Variants in DNPEP observed in about 807,000 individuals in gnomAD.
DNPEP encodes aspartyl aminopeptidase.
A neutral mutation model predicts 59.1 loss-of-function variants in DNPEP; 46 were observed. The observed-to-expected ratio is 0.78, with a 90% CI of 0.61 to 0.99. The LOEUF (loss-of-function observed/expected upper bound fraction) is 0.99. Among genes scored for constraint, DNPEP ranks in the 50% least tolerant of loss-of-function variants. The pLI is 0.00. For synonymous variants in DNPEP, 229 were observed against 242.2 expected (o/e 0.95, Z 0.50); for missense variants, 617 against 649.9 (o/e 0.95, Z 0.55).
At chr2:219,384,259 A>G in intron 9 of DNPEP, 107 bp downstream of exon 9, 1 of 1,070,702 alleles carries the variant, frequency 9.3e-7, no homozygotes, top group Non-Finnish European at 1.4e-6. Flanking sequence ...GCGGGTAGAC[A>G]ATGGCCCTCT....
chr2:219,392,332 A>G (rs181056437), upstream of DNPEP, among the ~76,000 whole-genome samples: 32 of 152,110 alleles, frequency 2.1e-4, no homozygotes, highest in Non-Finnish European at 4.4e-4. Flanking sequence ...GTGAGTTTAT[A>G]AGATACATAT....
chr2:219,385,825 C>A, intron 6 of DNPEP, 119 bp from the exon 7 acceptor site: 2 of 1,436,096 alleles, frequency 1.4e-6, no homozygotes, highest in Non-Finnish European at 9.4e-7. Flanking sequence ...CCAGCCCACT[C>A]CCCAAATCAC....
chr2:219,377,093 G>A (rs1002027579), intron 13 of DNPEP, among the ~76,000 whole-genome samples: 2 of 151,788 alleles, frequency 1.3e-5, no homozygotes, highest in Non-Finnish European at 2.9e-5. Flanking sequence ...GGCCAATATG[G>A]TGAAACCCTG....
rs1474309624 is a variant in DNPEP, at chr2:219,373,185, C to T, written c.*1107G>A. ...CTGGGTTCAAGCGATTCTCCTGCCTCAGCCTCCGGAGTGGCTGAGATTACA... is the reference window on the plus strand; with the variant it reads ...CTGGGTTCAAGCGATTCTCCTGCCTTAGCCTCCGGAGTGGCTGAGATTACA... On this transcript the variant is annotated 3_prime_UTR_variant, in exon 15 of 15. Coordinates refer to ENST00000273075, the MANE Select transcript of DNPEP (RefSeq NM_012100.4). Among the ~76,000 whole-genome samples, 7 of 93,288 alleles carry T rather than the reference C, an allele frequency of 7.5e-5. No homozygotes were observed. The highest frequency in any genetic ancestry group is 2.4e-4 in the African/African-American group (7 of 28,608). 61.2% of individuals were successfully genotyped at this position (93,288 alleles called of 152,430 possible). A position where few individuals can be genotyped will look rare whatever the true frequency, so the allele number is the denominator to read the frequency against.
At chr2:219,388,863 A>G, upstream of DNPEP, 2 of 985,490 alleles carry the variant, frequency 2.0e-6, no homozygotes, top group Middle Eastern at 5.2e-4. Context: ...TGCCCCATCA[A>G]CTATGTACTC....
At chr2:219,395,079 C>T (rs1461567192) in intron 1 of DNPEP, among the ~76,000 whole-genome samples, 3 of 152,050 alleles carry the variant, frequency 2.0e-5, no homozygotes, top group African/African-American at 7.2e-5. Flanking sequence ...CCTCAGCCTC[C>T]TGAGGATTAC....
chr2:219,376,087 T>C (rs112349157), intron 13 of DNPEP, among the ~76,000 whole-genome samples: 2 of 152,296 alleles, frequency 1.3e-5, no homozygotes, highest in African/African-American at 2.4e-5. Context: ...ACAGGAGTTA[T>C]GCTGAAGGGG....
At chr2:219,381,894 G>GC (rs1672725444) in intron 11 of DNPEP, 85 bp downstream of exon 11, 1 of 1,514,160 alleles carries the variant, frequency 6.6e-7, no homozygotes, top group African/African-American at 1.4e-5. Context: ...AAAGGAAGAG[G>GC]CTGGGGCCAA....
In DNPEP at chr2:219,373,264, C is replaced by T. The variant is rs1318925995; in HGVS notation, c.*1028G>A. ...TGTATTTTTAGCAGGGACAGGGTTT[C>T]TCCATGTTGGTCAGGCTGGTCTTGA... is the stretch of plus-strand genomic sequence containing the variant. On this transcript the variant is annotated 3_prime_UTR_variant, in exon 15 of 15. Transcript: ENST00000273075. Among the ~76,000 whole-genome samples the T allele has an allele frequency of 6.6e-6, 1 of 151,702 alleles. No homozygotes were observed. Among genetic ancestry groups the T allele is most frequent in the Non-Finnish European group, 1.5e-5 (1 of 68,000 alleles).
At position 219,387,171 on chromosome 2, in the gene DNPEP, AG is replaced by A; in HGVS notation, c.37-9del. 1 of 1,553,198 alleles carries A rather than the reference AG, an allele frequency of 6.4e-7. No individual in the cohort carries two copies. Among genetic ancestry groups the A allele is most frequent in the Non-Finnish European group, 8.7e-7 (1 of 1,148,042 alleles). ...CTTACCGTTCATGGCCACCTAGGGG[AG>A]GGGGATGCTCAGACTTTTACAAGGT... On this transcript the variant is annotated splice_polypyrimidine_tract_variant and intron_variant, in intron 1 of 14. Coordinates refer to ENST00000273075, the MANE Select transcript of DNPEP (RefSeq NM_012100.4).
Position 219,387,163 on chromosome 2 carries a change from C to G in DNPEP, c.37G>C (p.Val13Leu), listed in dbSNP as rs992202148. The change falls in exon 2 of 15, where the codon GTG (valine) becomes CTG (leucine). Residue 13 changes from valine (V) to leucine (L), a missense_variant and splice_region_variant. By Grantham distance (32) the Val-to-Leu change is conservative. Transcript: ENST00000273075. Reference sequence around the variant, plus strand: ...TTGCGGGCCTTACCGTTCATGGCCACCTAGGGGAGGGGGATGCTCAGACTT... The same window carrying G: ...TTGCGGGCCTTACCGTTCATGGCCAGCTAGGGGAGGGGGATGCTCAGACTT... Reference protein sequence around the residue: ...GHSPTRGAMQVAMNGKARKEA... With the variant: ...GHSPTRGAMQLAMNGKARKEA... The G allele has an allele frequency of 1.9e-6, 3 of 1,556,522 alleles. No individual in the cohort carries two copies. Among genetic ancestry groups the G allele is most frequent in the Non-Finnish European group, 2.6e-6 (3 of 1,149,494 alleles).
Position 219,381,328 on chromosome 2 carries a change from C to T in DNPEP, c.1239+7G>A, listed in dbSNP as rs773329293. On this transcript the variant is annotated splice_region_variant and intron_variant, in intron 13 of 14. Coordinates refer to ENST00000273075, the MANE Select transcript of DNPEP (RefSeq NM_012100.4). The stretch of plus-strand genomic sequence containing the variant: ...ATCACACCTTCCCAGGCAGGGCCCA[C>T]CCTCACCTGCAGGGGGACCTTGACT... The T allele has an allele frequency of 1.1e-5, 17 of 1,612,562 alleles. No homozygotes were observed. Among genetic ancestry groups the T allele is most frequent in the Non-Finnish European group, 1.4e-5 (17 of 1,179,214 alleles).
intron 1 of DNPEP, among the ~76,000 whole-genome samples, chr2:219,397,219 A>T (rs1201969630): frequency 2.4e-5 from 1 of 40,948 alleles, no homozygotes; most frequent in African/African-American, 8.7e-5. Context: ...CTCCCCTCCC[A>T]CCCCCGTCTC....
rs369797000 is a variant in DNPEP at position 219,383,127 on chromosome 2, G to A, written c.936+4C>T. 1.2e-6 allele frequency: 2 copies of A among 1,613,750 alleles called. No homozygotes were observed. The highest frequency in any genetic ancestry group is 1.1e-5 in the South Asian group (1 of 91,072). ...GGTGACCCTCCCCAGAACCCTCCACGTACCTCTTCGTTGTCATAGAGTGTG... is the reference window on the plus strand; with the variant it reads ...GGTGACCCTCCCCAGAACCCTCCACATACCTCTTCGTTGTCATAGAGTGTG... On this transcript the variant is annotated splice_donor_region_variant and intron_variant, in intron 10 of 14. Coordinates refer to ENST00000273075, the MANE Select transcript of DNPEP (RefSeq NM_012100.4).
At chr2:219,388,854 G>GC (rs1162839406), upstream of DNPEP, 45 of 985,316 alleles carry the variant, frequency 4.6e-5, no homozygotes, top group Non-Finnish European at 5.2e-5. Flanking sequence ...CTTCACAACT[G>GC]CCCCATCAAC....
intron 1 of DNPEP, chr2:219,387,401 TCCCTAAGTCCCGC>T: frequency 2.1e-6 from 3 of 1,434,160 alleles, no homozygotes; most frequent in Non-Finnish European, 2.8e-6. Flanking sequence ...TTAGCCCGAC[TCCCTAAGTCCCGC>T]CCCCATGTCC....
chr2:219,388,006 C>G, upstream of DNPEP: 1 of 1,194,804 alleles, frequency 8.4e-7, no homozygotes, highest in Non-Finnish European at 1.1e-6. Flanking sequence ...AGCCCCGCCC[C>G]TCGGCGGGCT....
At chr2:219,376,800 A>G (rs775365490) in intron 13 of DNPEP, among the ~76,000 whole-genome samples, 18 of 152,194 alleles carry the variant, frequency 1.2e-4, no homozygotes, top group Non-Finnish European at 2.4e-4. Flanking sequence ...TCTGGTTAAT[A>G]GGGAACTCAT....
intron 1 of DNPEP, among the ~76,000 whole-genome samples, chr2:219,398,372 G>A (rs186757547): frequency 6.4e-4 from 98 of 152,318 alleles, no homozygotes; most frequent in Admixed American, 1.6e-3. Context: ...ACTTGGGGCC[G>A]GGCGCGTTGG....
Sources: allele counts gnomAD v4.1 joint callset (sites outside exome capture counted in the v4.1 genomes callset), GRCh38; gene constraint gnomAD v4.1.1; transcripts MANE v1.5; gene names NCBI Gene and HGNC (gene_info 2026-07-23, HGNC 2026-07-21).